RTEL1: variants seen among roughly 807,000 people sequenced by gnomAD.
The protein encoded by RTEL1 is regulator of telomere elongation helicase 1.
A neutral mutation model predicts 162.2 loss-of-function variants in RTEL1; 86 were observed. The observed-to-expected ratio is 0.53, with a 90% CI of 0.45 to 0.63. The LOEUF is 0.63. RTEL1 is among the 30% of genes least tolerant of loss of function. The pLI is 0.00. For synonymous variants in RTEL1, 958 were observed against 717.9 expected (o/e 1.33, Z -5.35); for missense variants, 1,941 against 1,750.2 (o/e 1.11, Z -1.95).
chr20:63,668,788 G>A lies in RTEL1; in HGVS notation c.699+1235G>A, dbSNP rs1408209173. On this transcript the variant is annotated intron_variant, in intron 8 of 34. Transcript: ENST00000360203. This position sits in a 1 kb window ranked among gnomAD's most constrained non-coding sequence, Gnocchi z 4.3. ...AGTTATATCACAGCTGGTAAGCCGA[G>A]TCTAACACTTTCACGGAAACGCAGA... 6.6e-6 allele frequency among the ~76,000 whole-genome samples: 1 copy of A among 152,164 alleles called. No individual in the cohort carries two copies. The highest frequency in any genetic ancestry group is 1.9e-4 in the East Asian group (1 of 5,198).
chr20:63,693,346 C>G, intron 30 of RTEL1, 63 bp downstream of exon 30: 1 of 1,592,664 alleles, frequency 6.3e-7, no homozygotes, highest in Non-Finnish European at 8.6e-7. Flanking sequence ...GGCCAGAGTC[C>G]TGGGCTGCTT....
In RTEL1 at chr20:63,690,655, C is replaced by T. The variant is rs535367417; in HGVS notation, c.2414-150C>T. 8.5e-5 allele frequency: 89 copies of T among 1,042,012 alleles called. 1 individual carries two copies. Among genetic ancestry groups the T allele is most frequent in the South Asian group, 2.7e-4 (16 of 59,314 alleles). 64.5% of individuals were successfully genotyped at this position (1,042,012 alleles called of 1,614,324 possible). A position where few individuals can be genotyped will look rare whatever the true frequency, so the allele number is the denominator to read the frequency against. On this transcript the variant is annotated intron_variant, in intron 26 of 34. Transcript: ENST00000360203. Reference sequence around the variant, plus strand: ...GAACGCCCCAGGCAAGGATGCCCCCCGAGGCTGAGACTCCCCCCAATAGCA... The same window carrying T: ...GAACGCCCCAGGCAAGGATGCCCCCTGAGGCTGAGACTCCCCCCAATAGCA...
chr20:63,659,665 T>C (rs1053064733), intron 2 of RTEL1, among the ~76,000 whole-genome samples, 161 bp downstream of exon 2: 2 of 152,150 alleles, frequency 1.3e-5, no homozygotes, highest in African/African-American at 4.8e-5. Context: ...AGAGAGAGGA[T>C]TGACAAGTAA....
chr20:63,695,002 C>T (rs377143910), intron 32 of RTEL1, 28 bp downstream of exon 32: 137 of 1,607,554 alleles, frequency 8.5e-5, no homozygotes, highest in Middle Eastern at 1.7e-4. Context: ...GGGGAACAGC[C>T]GGTGGGGTGG....
At chr20:63,678,938 G>A (rs2090428241) in intron 12 of RTEL1, among the ~76,000 whole-genome samples, 1 of 152,044 alleles carries the variant, frequency 6.6e-6, no homozygotes, top group Non-Finnish European at 1.5e-5. Flanking sequence ...TCTCCCACGC[G>A]GGGCCGCTGG....
At chr20:63,685,036 C>A (rs1466780387) in intron 14 of RTEL1, among the ~76,000 whole-genome samples, 2 of 151,150 alleles carry the variant, frequency 1.3e-5, no homozygotes, top group Non-Finnish European at 3.0e-5. Flanking sequence ...TGCCACCATG[C>A]CCGGCTAGGT....
intron 12 of RTEL1, 108 bp downstream of exon 12, chr20:63,678,454 C>A: frequency 9.6e-7 from 1 of 1,045,484 alleles, no homozygotes; most frequent in Non-Finnish European, 1.4e-6. Context: ...TGTTTTCAGG[C>A]CTGTTTTCCC....
intron 11 of RTEL1, 30 bp from the exon 12 acceptor site, chr20:63,678,238 G>A (rs2090397380): frequency 1.2e-6 from 2 of 1,612,932 alleles, no homozygotes; most frequent in Non-Finnish European, 1.7e-6. Flanking sequence ...CTCCTTGCGA[G>A]GAGGTGGGTG....
At chr20:63,688,251 A>T (rs2777941) in intron 19 of RTEL1, 50 bp from the exon 20 acceptor site, 5 of 1,608,970 alleles carry the variant, frequency 3.1e-6, no homozygotes, top group South Asian at 2.2e-5. Flanking sequence ...CTGGTAGGGA[A>T]CCCTGCAGAC....
intron 33 of RTEL1, 46 bp from the exon 34 acceptor site, chr20:63,695,282 G>C (rs2090948045): frequency 6.3e-7 from 1 of 1,594,910 alleles, no homozygotes; most frequent in Non-Finnish European, 8.6e-7. Context: ...CTGGGAGTGA[G>C]CAGCAAAGCC....
intron 14 of RTEL1, chr20:63,680,997 C>T: frequency 1.0e-6 from 1 of 985,418 alleles, no homozygotes; most frequent in Non-Finnish European, 1.2e-6. Flanking sequence ...GCCGCTCCTG[C>T]CCTGTCCGGG....
Position 63,696,110 on chromosome 20 carries a change from T to C in RTEL1, c.*252T>C, listed in dbSNP as rs2090973801. The C allele has an allele frequency of 1.8e-6, 1 of 551,032 alleles. No homozygotes were observed. Among genetic ancestry groups the C allele is most frequent in the Non-Finnish European group, 3.2e-6 (1 of 309,598 alleles). 34.1% of individuals were successfully genotyped at this position (551,032 alleles called of 1,614,324 possible). A position where few individuals can be genotyped will look rare whatever the true frequency, so the allele number is the denominator to read the frequency against. ...GGAAAGTGCTTCCCCAGAACTTCCC[T>C]GGCTCCTGGCCTGTGAGTGGTGCCA... On this transcript the variant is annotated 3_prime_UTR_variant, in exon 35 of 35. Coordinates refer to ENST00000360203, the MANE Select transcript of RTEL1 (RefSeq NM_001283009.2).
rs749800565 is a variant in RTEL1 at position 63,692,958 on chromosome 20, G to A, written c.2806G>A (p.Gly936Ser). ...CTTCGCCGCCCTGGCCGCCTGTCTC[G>A]GCCCCCTCTTTGCTGAGGACCCCAA... ...DDFAALAACL[G>S]PLFAEDPKKH... The change falls in exon 29 of 35, where the codon GGC (glycine) becomes AGC (serine). Residue 936 changes from glycine to serine, a missense_variant. By Grantham distance (56) the Gly-to-Ser change is moderately conservative. Transcript: ENST00000360203. 9.3e-6 allele frequency: 15 copies of A among 1,612,522 alleles called. No homozygotes were observed. Among genetic ancestry groups the A allele is most frequent in the Middle Eastern group, 1.6e-4 (1 of 6,082 alleles).
At position 63,678,429 on chromosome 20, in the gene RTEL1, A is replaced by G. The variant is rs896661187; in HGVS notation, c.1037+83A>G. On this transcript the variant is annotated intron_variant, in intron 12 of 34. Coordinates refer to ENST00000360203, the MANE Select transcript of RTEL1 (RefSeq NM_001283009.2). ...CCATGGTGCAGTCCTGGGCTGTCAC[A>G]TCACGAGTGAGGCCTGTTTTCAGGC... 6 of 1,302,746 alleles carry G rather than the reference A, an allele frequency of 4.6e-6. No homozygotes were observed. In the African/African-American group the frequency reaches 7.4e-5, roughly 16 times the overall value. 80.7% of individuals were successfully genotyped at this position (1,302,746 alleles called of 1,614,324 possible).
At position 63,694,363 on chromosome 20, in the gene RTEL1, C is replaced by T. The variant is rs1345171159; in HGVS notation, c.2993-9C>T. On this transcript the variant is annotated splice_polypyrimidine_tract_variant and intron_variant, in intron 30 of 34. Transcript: ENST00000360203. Reference sequence around the variant, plus strand: ...CGACCAGCTTTGTGGCTCTACATCTCTTCATCAGGAAGAACGGCGCCGGAT... The same window carrying T: ...CGACCAGCTTTGTGGCTCTACATCTTTTCATCAGGAAGAACGGCGCCGGAT... The T allele has an allele frequency of 2.6e-6, 4 of 1,562,836 alleles. No individual in the cohort carries two copies. The highest frequency in any genetic ancestry group is 1.7e-5 in the Admixed American group (1 of 58,568).
intron 1 of RTEL1, among the ~76,000 whole-genome samples, chr20:63,658,942 G>A (rs2089964675): frequency 6.6e-6 from 1 of 152,248 alleles, no homozygotes; most frequent in Admixed American, 6.5e-5. Context: ...GAGGCCGGGA[G>A]GGGTGCCGCT....
intron 10 of RTEL1, among the ~76,000 whole-genome samples, chr20:63,674,862 A>G (rs2146200714): frequency 6.6e-6 from 1 of 152,124 alleles, no homozygotes; most frequent in Non-Finnish European, 1.5e-5. Flanking sequence ...ATACGTGGAA[A>G]ACGTGGAAAC....
chr20:63,691,202 T>C (rs1015780051), intron 27 of RTEL1, among the ~76,000 whole-genome samples: 1 of 151,926 alleles, frequency 6.6e-6, no homozygotes, highest in African/African-American at 2.4e-5. Context: ...TCACTTTGGT[T>C]CTCTGGCGGG....
intron 7 of RTEL1, among the ~76,000 whole-genome samples, chr20:63,667,121 G>A (rs1301277969): frequency 6.6e-6 from 1 of 152,182 alleles, no homozygotes; most frequent in East Asian, 1.9e-4. Flanking sequence ...TTACAGGAGT[G>A]AGCCACCGCG....
Sources: allele counts gnomAD v4.1 joint callset (sites outside exome capture counted in the v4.1 genomes callset), GRCh38; gene constraint gnomAD v4.1.1; non-coding constraint Gnocchi (gnomAD v3.1); transcripts MANE v1.5; gene names NCBI Gene and HGNC (gene_info 2026-07-23, HGNC 2026-07-21).